MYO5A: variants seen among roughly 807,000 people sequenced by gnomAD.
The protein encoded by MYO5A is myosin VA.
MYO5A carries 98 observed loss-of-function variants against 249.7 expected under a neutral mutation model. That is an observed-to-expected ratio of 0.39 (90% CI 0.33 to 0.46). The LOEUF (loss-of-function observed/expected upper bound fraction) is 0.46, where lower values mean the gene tolerates loss of function less well. Among genes scored for constraint, MYO5A ranks in the 20% least tolerant of loss-of-function variants. The pLI is 0.98. For synonymous variants in MYO5A, 778 were observed against 810.6 expected (o/e 0.96, Z 0.68); for missense variants, 1,696 against 2,308.8 (o/e 0.73, Z 5.44).
chr15:52,328,647 G>A (rs2038724992), intron 35 of MYO5A, among the ~76,000 whole-genome samples: 1 of 152,082 alleles, frequency 6.6e-6, no homozygotes, highest in African/African-American at 2.4e-5. Flanking sequence ...CAACAATCAG[G>A]GCCATTCTTT....
chr15:52,391,031 T>C (rs535314945), intron 12 of MYO5A, among the ~76,000 whole-genome samples: 9 of 152,316 alleles, frequency 5.9e-5, no homozygotes, highest in African/African-American at 2.2e-4. Context: ...CTTATATGTA[T>C]ATACCTTGGA....
intron 1 of MYO5A, among the ~76,000 whole-genome samples, chr15:52,463,500 G>A (rs1442917002): frequency 6.6e-6 from 1 of 151,832 alleles, no homozygotes; most frequent in African/African-American, 2.4e-5. Flanking sequence ...CATTTTCCCT[G>A]TACTCATTTT....
chr15:52,320,322 A>G (rs1329484240), intron 38 of MYO5A, among the ~76,000 whole-genome samples: 2 of 152,228 alleles, frequency 1.3e-5, no homozygotes, highest in Non-Finnish European at 2.9e-5. Flanking sequence ...TGTGCTAAAC[A>G]CAGATTCCCT....
chr15:52,447,131 C>T (rs1021252217), intron 1 of MYO5A, among the ~76,000 whole-genome samples: 17 of 152,056 alleles, frequency 1.1e-4, no homozygotes, highest in African/African-American at 4.1e-4. Flanking sequence ...TGGTCCTCAC[C>T]CAATCTTATC....
intron 4 of MYO5A, among the ~76,000 whole-genome samples, chr15:52,425,106 C>G (rs566629523): frequency 6.6e-6 from 1 of 152,182 alleles, no homozygotes; most frequent in Non-Finnish European, 1.5e-5. Flanking sequence ...AAAAATTTCA[C>G]ACTTTCCTTT....
intron 5 of MYO5A, among the ~76,000 whole-genome samples, chr15:52,413,541 G>A (rs1373095933): frequency 6.6e-6 from 1 of 152,168 alleles, no homozygotes; most frequent in Non-Finnish European, 1.5e-5. Flanking sequence ...CCTATGAGGA[G>A]TTTCAGCAGA....
intron 5 of MYO5A, among the ~76,000 whole-genome samples, chr15:52,412,432 T>C (rs1350007918): frequency 6.6e-6 from 1 of 152,162 alleles, no homozygotes; most frequent in African/African-American, 2.4e-5. Flanking sequence ...AAAGAACAAA[T>C]GAATTAGAAG....
chr15:52,511,779 A>G (rs1176723142), intron 1 of MYO5A, among the ~76,000 whole-genome samples: 1 of 152,198 alleles, frequency 6.6e-6, no homozygotes, highest in Non-Finnish European at 1.5e-5. Context: ...CTGAGATCCC[A>G]AATATATAAT....
At chr15:52,428,126 T>G (rs191242169) in intron 3 of MYO5A, among the ~76,000 whole-genome samples, 1 of 152,190 alleles carries the variant, frequency 6.6e-6, no homozygotes, top group Non-Finnish European at 1.5e-5. Context: ...ACTGGTGAAT[T>G]TGGCACTAAA....
chr15:52,510,583 G>T (rs1448145907), intron 1 of MYO5A, among the ~76,000 whole-genome samples: 1 of 152,216 alleles, frequency 6.6e-6, no homozygotes, highest in African/African-American at 2.4e-5. Context: ...TGTCAGATCA[G>T]CAGTGGCATT....
intron 12 of MYO5A, among the ~76,000 whole-genome samples, chr15:52,390,981 AT>A (rs1424016167): frequency 6.6e-6 from 1 of 151,890 alleles, no homozygotes; most frequent in African/African-American, 2.4e-5. Flanking sequence ...GTTGTTACTG[AT>A]TTTTTTGTTA....
At chr15:52,515,459 G>C (rs1030981859) in intron 1 of MYO5A, among the ~76,000 whole-genome samples, 28 of 152,062 alleles carry the variant, frequency 1.8e-4, no homozygotes, top group Admixed American at 5.9e-4. Context: ...CACCAGACAG[G>C]AAAAAGAAAT....
chr15:52,448,573 G>A lies in MYO5A; in HGVS notation c.28-15288C>T, dbSNP rs150744705. Among the ~76,000 whole-genome samples, 383 of 152,238 alleles carry A rather than the reference G, an allele frequency of 2.5e-3. 2 individuals carry two copies. The highest frequency in any genetic ancestry group is 8.7e-3 in the African/African-American group (361 of 41,548). On this transcript the variant is annotated intron_variant, in intron 1 of 41. Coordinates refer to ENST00000399233, the MANE Select transcript of MYO5A (RefSeq NM_001382347.1). ...TGTGAGGACATAAGATTTGGGAGGC[G>A]CCAGTGGCAGAATGATACGGTTTGA...
chr15:52,442,880 C>T (rs1482702721), intron 1 of MYO5A, among the ~76,000 whole-genome samples: 1 of 152,062 alleles, frequency 6.6e-6, no homozygotes, highest in Non-Finnish European at 1.5e-5. Context: ...CTCAGCCTCC[C>T]AAGTAGCTGG....
rs138924036 is a variant in MYO5A, at chr15:52,319,402, A to G, written c.4952-60T>C. On this transcript the variant is annotated intron_variant, in intron 38 of 41. Coordinates refer to ENST00000399233, the MANE Select transcript of MYO5A (RefSeq NM_001382347.1). Reference sequence around the variant, plus strand: ...GTGGAAGGGAACCTTTCATGTGCACATATCCATGTGCACAAACACATGCAC... The same window carrying G: ...GTGGAAGGGAACCTTTCATGTGCACGTATCCATGTGCACAAACACATGCAC... The G allele has an allele frequency of 2.8e-4, 433 of 1,552,832 alleles. 1 individual carries two copies. The African/African-American group carries it at 5.2e-3, about 19-fold the overall frequency.
At chr15:52,471,592 AAC>A (rs111751236) in intron 1 of MYO5A, among the ~76,000 whole-genome samples, 38 of 144,958 alleles carry the variant, frequency 2.6e-4, no homozygotes, top group Non-Finnish European at 3.9e-4. Context: ...CTGTCTCTAA[AAC>A]ACACACACAC....
chr15:52,440,537 G>A (rs1489705078), intron 1 of MYO5A, among the ~76,000 whole-genome samples: 1 of 152,192 alleles, frequency 6.6e-6, no homozygotes, highest in Non-Finnish European at 1.5e-5. Flanking sequence ...CAAAGTGCTA[G>A]GATTAAAGGC....
chr15:52,515,442 T>G (rs531521744), intron 1 of MYO5A, among the ~76,000 whole-genome samples: 1 of 152,298 alleles, frequency 6.6e-6, no homozygotes, highest in South Asian at 2.1e-4. Context: ...GGGATACTGA[T>G]GTCATTCACC....
chr15:52,328,047 T>A, intron 35 of MYO5A, 41 bp from the exon 36 acceptor site: 1 of 1,527,104 alleles, frequency 6.5e-7, no homozygotes, highest in African/African-American at 1.4e-5. Context: ...ACATGGAAAA[T>A]TTTCACGAGG....
Sources: allele counts gnomAD v4.1 joint callset (sites outside exome capture counted in the v4.1 genomes callset), GRCh38; gene constraint gnomAD v4.1.1; transcripts MANE v1.5; gene names NCBI Gene and HGNC (gene_info 2026-07-23, HGNC 2026-07-21).